The following SEC63 variants were observed in gnomAD, a reference collection of about 807,000 sequenced individuals.
The protein encoded by SEC63 is translocation protein SEC63 homolog.
In SEC63, 56 loss-of-function variants were observed where a neutral mutation model predicts 116.2. The observed-to-expected ratio is 0.48, with a 90% CI of 0.39 to 0.60. The LOEUF is 0.60. Among genes scored for constraint, SEC63 ranks in the 20% least tolerant of loss-of-function variants. The pLI is 0.00. For missense variants in SEC63, 668 were observed against 900.0 expected, an observed-to-expected ratio of 0.74 and a Z score of 3.30; for synonymous variants, 273 against 294.6, an observed-to-expected ratio of 0.93 and a Z score of 0.75.
chr6:107,949,511 A>G (rs1269776031), intron 1 of SEC63, among the ~76,000 whole-genome samples: 1 of 152,210 alleles, frequency 6.6e-6, no homozygotes, highest in Non-Finnish European at 1.5e-5. Flanking sequence ...GAAAATGCAA[A>G]GAAATGTAAA....
Position 107,957,866 on chromosome 6 carries a change from C to T in SEC63, c.124+20G>A, listed in dbSNP as rs114539321. 5.9e-4 allele frequency: 944 copies of T among 1,604,080 alleles called. 7 individuals carry two copies. The African/African-American group carries it at 0.011, about 18-fold the overall frequency. ...GGCGGGGCCTGCGCGGGTTCGCGGG[C>T]AAAGGCCGGCGGGACTCACCGGCAT... On this transcript the variant is annotated intron_variant, in intron 1 of 20. Coordinates refer to ENST00000369002, the MANE Select transcript of SEC63 (RefSeq NM_007214.5).
intron 1 of SEC63, 140 bp from the exon 2 acceptor site, chr6:107,929,654 T>A: frequency 1.6e-6 from 1 of 611,682 alleles, no homozygotes; most frequent in Non-Finnish European, 2.9e-6. Flanking sequence ...AAATAGCCTT[T>A]AAAAAACTTA....
intron 1 of SEC63, among the ~76,000 whole-genome samples, chr6:107,953,554 C>T (rs1770625248): frequency 2.1e-5 from 3 of 145,410 alleles, no homozygotes; most frequent in East Asian, 2.1e-4. Context: ...CCAGCCGCCC[C>T]GTCCGGGAGG....
At chr6:107,875,041 T>G (rs1786230050) in intron 19 of SEC63, among the ~76,000 whole-genome samples, 1 of 151,948 alleles carries the variant, frequency 6.6e-6, no homozygotes, top group African/African-American at 2.4e-5. Flanking sequence ...GTTTTTGTTT[T>G]TTTTAAGAGA....
At chr6:107,947,143 T>C (rs1026344193) in intron 1 of SEC63, among the ~76,000 whole-genome samples, 2 of 151,848 alleles carry the variant, frequency 1.3e-5, no homozygotes, top group African/African-American at 4.8e-5. Flanking sequence ...CTACAAAAAT[T>C]ATAAAAACTA....
rs913905087 is a variant in SEC63 at position 107,870,891 on chromosome 6, G to A, written c.*813C>T. On this transcript the variant is annotated 3_prime_UTR_variant, in exon 21 of 21. Coordinates refer to ENST00000369002, the MANE Select transcript of SEC63 (RefSeq NM_007214.5). ...TAGAGTCAAGTAGACTGAAAACTAA[G>A]GATGTAGTTCAGCTTTTAGAGTGAA... 4 of 152,304 alleles carry A rather than the reference G, an allele frequency of 2.6e-5. No homozygotes were observed. The highest frequency in any genetic ancestry group is 4.8e-5 in the African/African-American group (2 of 41,408). The allele number at this position is 152,304 out of a possible 1,614,324, so 9.4% of individuals were successfully genotyped here.
chr6:107,881,666 T>G (rs1279277087), intron 17 of SEC63, among the ~76,000 whole-genome samples: 2 of 152,166 alleles, frequency 1.3e-5, no homozygotes, highest in Non-Finnish European at 2.9e-5. Context: ...AAGTATGAAC[T>G]CCTGAGTAAA....
intron 1 of SEC63, among the ~76,000 whole-genome samples, chr6:107,936,761 T>C (rs1347993002): frequency 1.3e-5 from 2 of 152,196 alleles, no homozygotes; most frequent in African/African-American, 4.8e-5. Flanking sequence ...CAGTCAGTAG[T>C]ATTACTGAGT....
chr6:107,933,322 T>G (rs1787853162), intron 1 of SEC63, among the ~76,000 whole-genome samples: 1 of 152,160 alleles, frequency 6.6e-6, no homozygotes, highest in African/African-American at 2.4e-5. Context: ...AGAGAACAAA[T>G]TTGTGCTGTT....
chr6:107,920,082 T>G (rs1042202124), intron 4 of SEC63, among the ~76,000 whole-genome samples: 4 of 152,096 alleles, frequency 2.6e-5, no homozygotes, highest in African/African-American at 9.7e-5. Flanking sequence ...TACTAGCATT[T>G]TTTAGCCATA....
intron 1 of SEC63, among the ~76,000 whole-genome samples, chr6:107,930,811 A>G (rs1255212572): frequency 6.6e-6 from 1 of 150,600 alleles, no homozygotes; most frequent in Non-Finnish European, 1.5e-5. Context: ...CCTGGCCAAC[A>G]TGGCAAAACC....
Position 107,881,219 on chromosome 6 carries a change from C to T in SEC63, c.1865G>A (p.Arg622Gln), listed in dbSNP as rs775895484. The change falls in exon 18 of 21, where the codon CGA becomes CAA. Residue 622 changes from arginine to glutamine, a missense_variant. Coordinates refer to ENST00000369002, the MANE Select transcript of SEC63 (RefSeq NM_007214.5). ...EWQELQQSIQ[R>Q]KERALLETKS... ...GGTTTCCAATAGAGCTCTCTCTTTT[C>T]GCTGTATGCTTTGTTGTAATTCTTG... The T allele has an allele frequency of 2.5e-6, 4 of 1,612,706 alleles. No homozygotes were observed. The highest frequency in any genetic ancestry group is 3.4e-6 in the Non-Finnish European group (4 of 1,179,458).
intron 1 of SEC63, among the ~76,000 whole-genome samples, chr6:107,936,200 A>ATG (rs1770240770): frequency 6.6e-6 from 1 of 152,208 alleles, no homozygotes; most frequent in Non-Finnish European, 1.5e-5. Flanking sequence ...GGGCCACACA[A>ATG]TGTGTGCATG....
chr6:107,895,905 C>T (rs1786802576), intron 14 of SEC63, among the ~76,000 whole-genome samples: 2 of 151,578 alleles, frequency 1.3e-5, no homozygotes, highest in African/African-American at 4.9e-5. Flanking sequence ...TGGCTCATGC[C>T]TGTAATCCCA....
chr6:107,912,889 A>T, intron 5 of SEC63, 115 bp from the exon 6 acceptor site: 1 of 791,222 alleles, frequency 1.3e-6, no homozygotes, highest in South Asian at 1.6e-5. Context: ...CAACACAAAA[A>T]CAAACTTTGA....
At chr6:107,954,482 C>CAAAAAA (rs4028832) in intron 1 of SEC63, 2 of 116,870 alleles carry the variant, frequency 1.7e-5, no homozygotes, top group Admixed American at 1.0e-4. Context: ...AAAAAAAAAT[C>CAAAAAA]AAAAAAAAAA....
intron 16 of SEC63, among the ~76,000 whole-genome samples, chr6:107,887,673 C>T (rs1359593489): frequency 3.3e-5 from 5 of 151,600 alleles, no homozygotes; most frequent in Non-Finnish European, 7.4e-5. Flanking sequence ...GGGTGCAGCG[C>T]ACCAGCATGG....
At chr6:107,926,771 G>A (rs958997737) in intron 2 of SEC63, among the ~76,000 whole-genome samples, 4 of 152,016 alleles carry the variant, frequency 2.6e-5, no homozygotes, top group Admixed American at 1.3e-4. Context: ...AAGGCAAAAG[G>A]AACAAAACAC....
chr6:107,890,187 T>C (rs1350370669), intron 16 of SEC63, among the ~76,000 whole-genome samples: 1 of 152,178 alleles, frequency 6.6e-6, no homozygotes, highest in African/African-American at 2.4e-5. Flanking sequence ...CTCCCACTAT[T>C]ATTGTGTGGG....
Sources: allele counts gnomAD v4.1 joint callset (sites outside exome capture counted in the v4.1 genomes callset), GRCh38; gene constraint gnomAD v4.1.1; transcripts MANE v1.5; gene names NCBI Gene and HGNC (gene_info 2026-07-23, HGNC 2026-07-21).